SMARCC1: variants seen among roughly 807,000 people sequenced by gnomAD.
The protein encoded by SMARCC1 is SWI/SNF related BAF chromatin remodeling complex subunit C1.
A neutral mutation model predicts 147.4 loss-of-function variants in SMARCC1; 43 were observed. The ratio of observed to expected loss-of-function variants is 0.29; its 90% CI spans 0.23 to 0.38. The LOEUF (loss-of-function observed/expected upper bound fraction) is 0.38. Ranked by LOEUF, SMARCC1 falls within the 10% of genes least tolerant of loss-of-function variation. The pLI, the probability that SMARCC1 is intolerant of heterozygous loss-of-function variation, is 1.00. For synonymous variants in SMARCC1, 495 were observed against 484.4 expected, an observed-to-expected ratio of 1.02 and a Z score of -0.29; for missense variants, 1,119 against 1,381.1, an observed-to-expected ratio of 0.81 and a Z score of 3.01.
intron 25 of SMARCC1, among the ~76,000 whole-genome samples, chr3:47,621,112 C>T (rs2032724267): frequency 6.6e-6 from 1 of 151,970 alleles, no homozygotes; most frequent in East Asian, 1.9e-4. Flanking sequence ...CCATCCTGGC[C>T]AACATGGTGA....
intron 26 of SMARCC1, among the ~76,000 whole-genome samples, chr3:47,599,305 C>T (rs2032348908): frequency 6.6e-6 from 1 of 152,142 alleles, no homozygotes; most frequent in Non-Finnish European, 1.5e-5. Context: ...ATCACTTGAA[C>T]CCGGGAGGTA....
intron 24 of SMARCC1, among the ~76,000 whole-genome samples, chr3:47,625,337 A>G (rs1264734760): frequency 6.6e-6 from 1 of 151,948 alleles, no homozygotes; most frequent in Non-Finnish European, 1.5e-5. Context: ...AAAAGAAAGG[A>G]AAAAAAGAAA....
intron 9 of SMARCC1, among the ~76,000 whole-genome samples, chr3:47,708,090 T>TCTTTC (rs1559650569): frequency 1.7e-5 from 1 of 57,786 alleles, no homozygotes; most frequent in Admixed American, 2.2e-4. Flanking sequence ...TTTCTTTTTT[T>TCTTTC]TTTTTTTTTT....
intron 22 of SMARCC1, 27 bp from the exon 23 acceptor site, chr3:47,636,163 A>ATC (rs1314240770): frequency 7.6e-7 from 1 of 1,308,180 alleles, no homozygotes; most frequent in East Asian, 2.3e-5. Flanking sequence ...ACAAGAGGAC[A>ATC]GGCAGTGAAC....
intron 26 of SMARCC1, among the ~76,000 whole-genome samples, chr3:47,606,366 A>C (rs1375718088): frequency 6.6e-6 from 1 of 152,230 alleles, no homozygotes; most frequent in Admixed American, 6.5e-5. Flanking sequence ...CTCAGTGTGA[A>C]TCCTGGCTCT....
chr3:47,730,381 T>C (rs1343616392), intron 5 of SMARCC1, among the ~76,000 whole-genome samples: 1 of 150,100 alleles, frequency 6.7e-6, no homozygotes, highest in African/African-American at 2.5e-5. Context: ...ACTCAGGAGG[T>C]GAGGTGGGAG....
Position 47,708,102 on chromosome 3 carries a change from T to C in SMARCC1, c.919-1572A>G, listed in dbSNP as rs1392788852. ...TTTTTTCTTTTTTTTTTTTTTTTTT[T>C]TTTTTTTTTTTTTTTGAGACAGGGT... is the stretch of plus-strand genomic sequence containing the variant. On this transcript the variant is annotated intron_variant, in intron 9 of 27. Transcript: ENST00000254480. Among the ~76,000 whole-genome samples, 8 of 119,568 alleles carry C rather than the reference T, an allele frequency of 6.7e-5. 1 individual carries two copies. The highest frequency in any genetic ancestry group is 4.8e-4 in the East Asian group (2 of 4,134). The allele number at this position is 119,568 out of a possible 152,430, so 78.4% of individuals were successfully genotyped here.
chr3:47,660,444 T>TAAAAAA (rs71070206), intron 21 of SMARCC1, among the ~76,000 whole-genome samples: 1 of 67,322 alleles, frequency 1.5e-5, no homozygotes, highest in Non-Finnish European at 2.7e-5. Context: ...AGACTCTGTC[T>TAAAAAA]AAAAAAAAAA....
At chr3:47,661,215 G>A in intron 21 of SMARCC1, 79 bp downstream of exon 21, 5 of 1,285,282 alleles carry the variant, frequency 3.9e-6, no homozygotes, top group Non-Finnish European at 5.4e-6. Flanking sequence ...TTTAGTGCAA[G>A]TAAACCCAAT....
At chr3:47,609,136 G>T (rs2106667530) in intron 26 of SMARCC1, among the ~76,000 whole-genome samples, 1 of 152,258 alleles carries the variant, frequency 6.6e-6, no homozygotes, top group East Asian at 1.9e-4. Context: ...GCACTCAAAA[G>T]ATATTTAACA....
chr3:47,764,864 A>G (rs1417143027), intron 2 of SMARCC1, among the ~76,000 whole-genome samples: 3 of 152,204 alleles, frequency 2.0e-5, no homozygotes, highest in Non-Finnish European at 4.4e-5. Flanking sequence ...AGTTACAAGA[A>G]TATCTATGAG....
rs1371582329 is a variant in SMARCC1, at chr3:47,586,546, G to A, written c.*1663C>T. On this transcript the variant is annotated 3_prime_UTR_variant, in exon 28 of 28. Transcript: ENST00000254480. The stretch of plus-strand genomic sequence containing the variant: ...GGGACACCTGGTTAGAGGCAAACCT[G>A]AGGGTTTGAAAGGCAAATCTCAATT... The A allele has an allele frequency of 6.6e-6, 1 of 152,642 alleles. No homozygotes were observed. 9.5% of individuals were successfully genotyped at this position (152,642 alleles called of 1,614,324 possible). A position where few individuals can be genotyped will look rare whatever the true frequency, so the allele number is the denominator to read the frequency against.
intron 19 of SMARCC1, chr3:47,663,862 C>G: frequency 6.5e-7 from 1 of 1,540,470 alleles, no homozygotes; most frequent in Non-Finnish European, 9.0e-7. Flanking sequence ...GCACCTGGAT[C>G]GCCGCCCAGG....
intron 26 of SMARCC1, among the ~76,000 whole-genome samples, chr3:47,601,110 C>T (rs973033382): frequency 2.0e-5 from 3 of 148,560 alleles, no homozygotes; most frequent in African/African-American, 7.4e-5. Context: ...TACATACAAG[C>T]TTTTTTTCTT....
At chr3:47,743,762 G>A (rs567387514) in intron 3 of SMARCC1, among the ~76,000 whole-genome samples, 147 of 149,254 alleles carry the variant, frequency 9.8e-4, no homozygotes, top group African/African-American at 3.3e-3. Flanking sequence ...GCAGTGAGCC[G>A]AGATTACACC....
intron 14 of SMARCC1, among the ~76,000 whole-genome samples, chr3:47,685,233 TAC>T (rs1298145380): frequency 6.6e-6 from 1 of 152,098 alleles, no homozygotes; most frequent in Non-Finnish European, 1.5e-5. Flanking sequence ...GGGTAGCATG[TAC>T]AGTGTGTCTA....
At chr3:47,781,454 G>A in intron 1 of SMARCC1, 149 bp downstream of exon 1, 1 of 435,322 alleles carries the variant, frequency 2.3e-6, no homozygotes. Flanking sequence ...CGCCCAGAGC[G>A]GGCGGCGGGG....
At chr3:47,750,629 T>A (rs2106847512) in intron 2 of SMARCC1, among the ~76,000 whole-genome samples, 1 of 152,304 alleles carries the variant, frequency 6.6e-6, no homozygotes, top group African/African-American at 2.4e-5. Flanking sequence ...ATATTTAATG[T>A]GGAATATGAA....
At chr3:47,779,687 C>A (rs1306133935) in intron 1 of SMARCC1, among the ~76,000 whole-genome samples, 2 of 152,188 alleles carry the variant, frequency 1.3e-5, no homozygotes, top group Non-Finnish European at 2.9e-5. Flanking sequence ...TTATCCATGT[C>A]TAAAGCTTCT....
Sources: allele counts gnomAD v4.1 joint callset (sites outside exome capture counted in the v4.1 genomes callset), GRCh38; gene constraint gnomAD v4.1.1; transcripts MANE v1.5; gene names NCBI Gene and HGNC (gene_info 2026-07-23, HGNC 2026-07-21).